SNTG1: variants seen among roughly 807,000 people sequenced by gnomAD.
The protein encoded by SNTG1 is gamma-1-syntrophin.
A neutral mutation model predicts 74.7 loss-of-function variants in SNTG1; 39 were observed. The observed-to-expected ratio is 0.52, with a 90% CI of 0.40 to 0.68. The LOEUF (loss-of-function observed/expected upper bound fraction) is 0.68. Among genes scored for constraint, SNTG1 ranks in the 30% least tolerant of loss-of-function variants. SNTG1 has a pLI of 0.00. For missense variants in SNTG1, 685 were observed against 609.5 expected (o/e 1.12, Z -1.30); for synonymous variants, 254 against 217.1 (o/e 1.17, Z -1.49).
At chr8:50,320,222 T>G (rs181055765) in intron 2 of SNTG1, among the ~76,000 whole-genome samples, 5 of 152,280 alleles carry the variant, frequency 3.3e-5, no homozygotes, top group African/African-American at 1.2e-4. Context: ...TTGTATTTCT[T>G]CATGTTTCAA....
rs535434516 is a variant in SNTG1 at position 49,962,928 on chromosome 8, G to T, written c.-103+50697G>T. ...CTAACCACAGATTCCCGGGCTGTTTGTAGCAGGGAGGCAGGCAGTATCTGG... is the reference window on the plus strand; with the variant it reads ...CTAACCACAGATTCCCGGGCTGTTTTTAGCAGGGAGGCAGGCAGTATCTGG... On this transcript the variant is annotated intron_variant, in intron 1 of 18. Coordinates refer to ENST00000642720, the MANE Select transcript of SNTG1 (RefSeq NM_018967.5). Among the ~76,000 whole-genome samples the T allele has an allele frequency of 9.9e-5, 15 of 152,268 alleles. No individual in the cohort carries two copies. The South Asian group carries it at 3.1e-3, about 32-fold the overall frequency.
intron 17 of SNTG1, among the ~76,000 whole-genome samples, chr8:50,718,180 TG>T (rs1203120634): frequency 1.3e-5 from 2 of 152,118 alleles, no homozygotes; most frequent in African/African-American, 4.8e-5. Flanking sequence ...TTGTAGGTCC[TG>T]GGTGTCTAAG....
At chr8:50,540,026 G>A (rs538739261) in intron 11 of SNTG1, among the ~76,000 whole-genome samples, 1 of 152,204 alleles carries the variant, frequency 6.6e-6, no homozygotes, top group South Asian at 2.1e-4. Flanking sequence ...AGGGGATTCA[G>A]CACTTTTTTT....
intron 8 of SNTG1, among the ~76,000 whole-genome samples, chr8:50,501,437 T>TTG (rs2093953084): frequency 7.8e-6 from 1 of 127,556 alleles, no homozygotes; most frequent in Non-Finnish European, 1.7e-5. Flanking sequence ...TTTTTTTTTT[T>TTG]TTTTTTTTTT....
chr8:49,928,521 G>T (rs748998230), intron 1 of SNTG1, among the ~76,000 whole-genome samples: 1 of 151,940 alleles, frequency 6.6e-6, no homozygotes. Context: ...GTGAGCCACC[G>T]CGACCGGCCA....
chr8:50,060,692 C>A (rs1201660022), intron 1 of SNTG1, among the ~76,000 whole-genome samples: 1 of 151,936 alleles, frequency 6.6e-6, no homozygotes, highest in Non-Finnish European at 1.5e-5. Context: ...ACACCTACAG[C>A]TTTTTAAAAT....
At chr8:49,911,138 G>A (rs1805557810), upstream of SNTG1, 1 of 152,054 alleles carries the variant, frequency 6.6e-6, no homozygotes. Flanking sequence ...CCGCGTGGAG[G>A]GTCTAAGAAT....
intron 2 of SNTG1, among the ~76,000 whole-genome samples, chr8:50,271,476 A>G (rs559263095): frequency 3.8e-4 from 58 of 152,326 alleles, no homozygotes; most frequent in African/African-American, 1.2e-3. Flanking sequence ...GAAAATGAAT[A>G]GGCAGTAAGT....
intron 2 of SNTG1, among the ~76,000 whole-genome samples, chr8:50,347,251 C>T (rs2130974491): frequency 6.6e-6 from 1 of 152,258 alleles, no homozygotes; most frequent in Middle Eastern, 3.4e-3. Context: ...TCCTAGGGCT[C>T]TTAAGAATCA....
intron 2 of SNTG1, among the ~76,000 whole-genome samples, chr8:50,379,748 A>G (rs1164093286): frequency 6.6e-6 from 1 of 152,250 alleles, no homozygotes; most frequent in East Asian, 1.9e-4. Context: ...TCTTTCACAC[A>G]GGTGAAAGTT....
At chr8:50,316,203 A>G (rs1023538854) in intron 2 of SNTG1, among the ~76,000 whole-genome samples, 8 of 152,190 alleles carry the variant, frequency 5.3e-5, no homozygotes, top group African/African-American at 1.9e-4. Context: ...AGATTTTCCT[A>G]GCTTACAGAA....
intron 5 of SNTG1, among the ~76,000 whole-genome samples, chr8:50,440,163 G>A (rs1381239881): frequency 6.6e-6 from 1 of 151,692 alleles, no homozygotes; most frequent in Admixed American, 6.6e-5. Flanking sequence ...TGACCAAAAA[G>A]TGGTATTTGA....
At chr8:50,454,733 T>A (rs1385969195) in intron 8 of SNTG1, among the ~76,000 whole-genome samples, 1 of 145,630 alleles carries the variant, frequency 6.9e-6, no homozygotes, top group African/African-American at 2.5e-5. Context: ...TCCCAGCTAC[T>A]CAGGAGGTTG....
intron 4 of SNTG1, among the ~76,000 whole-genome samples, chr8:50,418,924 C>G (rs2093047334): frequency 6.6e-6 from 1 of 151,996 alleles, no homozygotes; most frequent in Admixed American, 6.6e-5. Flanking sequence ...CAGGATATAT[C>G]CAGTCTTTCT....
chr8:50,434,499 C>A (rs1292150245), intron 4 of SNTG1, among the ~76,000 whole-genome samples: 3 of 152,092 alleles, frequency 2.0e-5, no homozygotes, highest in Admixed American at 2.0e-4. Flanking sequence ...GTTTACAGTC[C>A]CACCAACAGT....
chr8:50,132,165 A>T (rs1478055158), intron 1 of SNTG1, among the ~76,000 whole-genome samples: 2 of 152,028 alleles, frequency 1.3e-5, no homozygotes, highest in Non-Finnish European at 2.9e-5. Context: ...TTATGGGTCT[A>T]TTGTCATTCC....
intron 5 of SNTG1, 71 bp from the exon 6 acceptor site, chr8:50,449,597 G>T: frequency 8.1e-7 from 1 of 1,231,786 alleles, no homozygotes. Flanking sequence ...TTCAGAGCCT[G>T]TATGGTTTCT....
At chr8:50,529,720 A>G (rs2130306618) in intron 9 of SNTG1, among the ~76,000 whole-genome samples, 1 of 152,188 alleles carries the variant, frequency 6.6e-6, no homozygotes, top group East Asian at 1.9e-4. Context: ...ATACTAACAA[A>G]GAGTACCTAC....
At chr8:50,313,556 G>T (rs2090198953) in intron 2 of SNTG1, among the ~76,000 whole-genome samples, 1 of 149,712 alleles carries the variant, frequency 6.7e-6, no homozygotes, top group Non-Finnish European at 1.5e-5. Context: ...AAGAAAAAAT[G>T]TGCAACATCG....
Sources: gnomAD v4.1 joint callset for allele counts (sites outside exome capture counted in the v4.1 genomes callset) on GRCh38, gnomAD v4.1.1 for gene constraint, MANE v1.5 for transcripts, NCBI Gene and HGNC (gene_info 2026-07-23, HGNC 2026-07-21) for gene names.